The following ARIH1 variants were observed in gnomAD, a reference collection of about 807,000 sequenced individuals.
The protein encoded by ARIH1 is E3 ubiquitin-protein ligase ARIH1.
Under a neutral mutation model 85.0 loss-of-function variants are expected in ARIH1, and 8 were observed. The observed-to-expected ratio is 0.09, with a 90% CI of 0.06 to 0.17. The LOEUF (loss-of-function observed/expected upper bound fraction) is 0.17, where lower values mean the gene tolerates loss of function less well. Among genes scored for constraint, ARIH1 ranks in the 10% least tolerant of loss-of-function variants. The pLI is 1.00. For synonymous variants in ARIH1, 238 were observed against 253.6 expected, an observed-to-expected ratio of 0.94 and a Z score of 0.59; for missense variants, 311 against 718.1, an observed-to-expected ratio of 0.43 and a Z score of 6.48.
chr15:72,514,050 G>C (rs937621501), intron 1 of ARIH1, among the ~76,000 whole-genome samples: 2 of 150,920 alleles, frequency 1.3e-5, no homozygotes, highest in Admixed American at 6.6e-5. Flanking sequence ...ATGTTGCTCA[G>C]ACTGGTCTCG....
chr15:72,475,285 C>T (rs1595845549), intron 1 of ARIH1: 2 of 543,074 alleles, frequency 3.7e-6, no homozygotes, highest in East Asian at 9.0e-5. Flanking sequence ...CTCTTGCGGG[C>T]AATTTCTGCC....
At chr15:72,532,501 AAT>A (rs1417499605) in intron 2 of ARIH1, among the ~76,000 whole-genome samples, 4 of 152,230 alleles carry the variant, frequency 2.6e-5, no homozygotes, top group Admixed American at 1.3e-4. Context: ...CATAACATTT[AAT>A]ATGACAGTAA....
chr15:72,562,472 A>G lies in ARIH1; in HGVS notation c.805-922A>G, dbSNP rs77339005. Among the ~76,000 whole-genome samples the G allele has an allele frequency of 7.6e-3, 1,154 of 152,242 alleles. 12 individuals are homozygous for G. The highest frequency in any genetic ancestry group is 0.026 in the African/African-American group (1,078 of 41,558). On this transcript the variant is annotated intron_variant, in intron 6 of 13. Coordinates refer to ENST00000379887, the MANE Select transcript of ARIH1 (RefSeq NM_005744.5). The stretch of plus-strand genomic sequence containing the variant: ...CAGCCTATTTTAGAAATAGTGTATT[A>G]TTTGAAATGGTCAATGGACTTCTGA...
chr15:72,571,903 A>T (rs189496445), intron 10 of ARIH1, among the ~76,000 whole-genome samples: 1 of 152,338 alleles, frequency 6.6e-6, no homozygotes, highest in African/African-American at 2.4e-5. Context: ...CAAACACTAG[A>T]TAGGGTTAGA....
At chr15:72,520,535 G>A (rs1284630691) in intron 2 of ARIH1, among the ~76,000 whole-genome samples, 5 of 151,824 alleles carry the variant, frequency 3.3e-5, no homozygotes, top group African/African-American at 9.7e-5. Context: ...TATAATTAAT[G>A]TTTAGATTAA....
At chr15:72,548,684 T>C (rs994562658) in intron 3 of ARIH1, among the ~76,000 whole-genome samples, 7 of 152,224 alleles carry the variant, frequency 4.6e-5, no homozygotes, top group African/African-American at 1.7e-4. Context: ...TCTTCAGTTT[T>C]GGAAGTAAAT....
chr15:72,506,410 C>T (rs2063926125), intron 1 of ARIH1, among the ~76,000 whole-genome samples: 2 of 142,418 alleles, frequency 1.4e-5, no homozygotes, highest in South Asian at 2.3e-4. Flanking sequence ...TTAAAGCATT[C>T]ATTGTATTAA....
chr15:72,545,484 C>G (rs1267472362), intron 3 of ARIH1, among the ~76,000 whole-genome samples: 1 of 152,106 alleles, frequency 6.6e-6, no homozygotes, highest in African/African-American at 2.4e-5. Context: ...AGCAAGAGAA[C>G]CAAAGAACTG....
At chr15:72,532,420 T>C (rs1054052970) in intron 2 of ARIH1, among the ~76,000 whole-genome samples, 4 of 151,984 alleles carry the variant, frequency 2.6e-5, no homozygotes, top group African/African-American at 9.7e-5. Context: ...TATAAAGAAA[T>C]GAAATCCATA....
intron 1 of ARIH1, among the ~76,000 whole-genome samples, chr15:72,503,081 C>G (rs576617610): frequency 1.3e-5 from 2 of 152,300 alleles, no homozygotes; most frequent in East Asian, 3.9e-4. Context: ...CTAGGTGCTT[C>G]TCTGTCCTAA....
rs2064292622 is a variant in ARIH1, at chr15:72,580,862, C to T, written c.1347C>T (p.Asn449=). ...AAATGGAGGAGATGCAGCAGCACAA[C>T]ATGTCCTGGATTGAGGTGCAGTTCC... ...KQKMEEMQQH[N]MSWIEVQFLK... Residue 449 remains asparagine (N), a synonymous_variant, in exon 12 of 14, where the codon AAC becomes AAT. Coordinates refer to ENST00000379887, the MANE Select transcript of ARIH1 (RefSeq NM_005744.5). 6.2e-7 allele frequency: 1 copy of T among 1,614,174 alleles called. No homozygotes were observed. Among genetic ancestry groups the T allele is most frequent in the Middle Eastern group, 1.6e-4 (1 of 6,062 alleles).
intron 2 of ARIH1, among the ~76,000 whole-genome samples, chr15:72,543,555 AAG>A (rs1264328549): frequency 2.0e-5 from 3 of 152,204 alleles, no homozygotes; most frequent in African/African-American, 7.2e-5. Flanking sequence ...ATTTATAAAA[AAG>A]ATATTTATTT....
intron 2 of ARIH1, among the ~76,000 whole-genome samples, chr15:72,525,165 A>G (rs985195944): frequency 6.6e-6 from 1 of 152,210 alleles, no homozygotes; most frequent in African/African-American, 2.4e-5. Context: ...TGCTGGGATT[A>G]TAGGCATGAG....
At chr15:72,494,058 T>A (rs1595851718) in intron 1 of ARIH1, among the ~76,000 whole-genome samples, 1 of 152,206 alleles carries the variant, frequency 6.6e-6, no homozygotes, top group South Asian at 2.1e-4. Context: ...CTAACCTGAT[T>A]TTTATATTTC....
intron 2 of ARIH1, among the ~76,000 whole-genome samples, chr15:72,532,773 C>G (rs1047152913): frequency 2.0e-5 from 3 of 152,218 alleles, no homozygotes; most frequent in Admixed American, 6.5e-5. Context: ...TGAGGTGAAT[C>G]CTGGGAATGC....
intron 4 of ARIH1, 75 bp from the exon 5 acceptor site, chr15:72,555,777 C>T: frequency 7.8e-7 from 1 of 1,280,588 alleles, no homozygotes; most frequent in Non-Finnish European, 1.1e-6. Flanking sequence ...CAGAACCTAG[C>T]AAAGTGCCTG....
chr15:72,551,204 T>A (rs192216542), intron 3 of ARIH1, among the ~76,000 whole-genome samples: 5 of 152,280 alleles, frequency 3.3e-5, no homozygotes, highest in African/African-American at 1.2e-4. Context: ...ATAAACTTGA[T>A]AAGAAATGTG....
chr15:72,574,792 T>G (rs1390670200), intron 11 of ARIH1, among the ~76,000 whole-genome samples: 1 of 152,124 alleles, frequency 6.6e-6, no homozygotes, highest in Admixed American at 6.5e-5. Flanking sequence ...ATTTACTGGC[T>G]GGGCATGATG....
At chr15:72,517,039 A>G (rs1440424917) in intron 1 of ARIH1, among the ~76,000 whole-genome samples, 1 of 152,212 alleles carries the variant, frequency 6.6e-6, no homozygotes, top group Admixed American at 6.5e-5. Context: ...TAGTGAGCTC[A>G]CTAGTTTCAT....
Sources: gnomAD v4.1 joint callset for allele counts (sites outside exome capture counted in the v4.1 genomes callset) on GRCh38, gnomAD v4.1.1 for gene constraint, MANE v1.5 for transcripts, NCBI Gene and HGNC (gene_info 2026-07-23, HGNC 2026-07-21) for gene names.